Variants in DLGAP2 observed in about 807,000 individuals in gnomAD.
DLGAP2 encodes disks large-associated protein 2.
DLGAP2 carries 26 observed loss-of-function variants against 100.3 expected under a neutral mutation model. That is an observed-to-expected ratio of 0.26 (90% CI 0.19 to 0.36). DLGAP2 has a LOEUF of 0.36. DLGAP2 is among the 10% of genes least tolerant of loss of function. The pLI is 1.00. For missense variants in DLGAP2, 1,858 were observed against 1,453.2 expected (o/e 1.28, Z -4.53); for synonymous variants, 886 against 630.1 (o/e 1.41, Z -6.08).
intron 3 of DLGAP2, among the ~76,000 whole-genome samples, chr8:1,426,339 C>A (rs537402556): frequency 6.6e-6 from 1 of 152,238 alleles, no homozygotes; most frequent in African/African-American, 2.4e-5. Context: ...TGCTCAAAGT[C>A]CATCTGGAGG....
rs1332037675 is a variant in DLGAP2, at chr8:1,354,954, CGG to C, written c.106+96072_106+96073del. On this transcript the variant is annotated intron_variant, in intron 3 of 14. Coordinates refer to ENST00000637795, the MANE Select transcript of DLGAP2 (RefSeq NM_001346810.2). ...TGCTGCGGATGAGGGTGGAAAGTCA[CGG>C]ATGATGCTGCGGATGAGGGTGGAAA... Among the ~76,000 whole-genome samples, 339 of 133,816 alleles carry C rather than the reference CGG, an allele frequency of 2.5e-3. 4 individuals are homozygous for C. The highest frequency in any genetic ancestry group is 8.9e-3 in the African/African-American group (321 of 35,918). The allele number at this position is 133,816 out of a possible 152,430, so 87.8% of individuals were successfully genotyped here. A position where few individuals can be genotyped will look rare whatever the true frequency, so the allele number is the denominator to read the frequency against.
At chr8:1,283,279 G>A (rs866774740) in intron 3 of DLGAP2, among the ~76,000 whole-genome samples, 17 of 138,052 alleles carry the variant, frequency 1.2e-4, no homozygotes, top group Non-Finnish European at 1.7e-4. Flanking sequence ...CCATCCGGAC[G>A]TGGTGCGACC....
intron 2 of DLGAP2, among the ~76,000 whole-genome samples, chr8:1,148,613 A>G (rs1403454445): frequency 1.3e-5 from 2 of 152,082 alleles, no homozygotes; most frequent in African/African-American, 4.8e-5. Flanking sequence ...TTAACATTTA[A>G]TAATTGAATG....
chr8:1,594,119 T>G (rs1240656522), intron 6 of DLGAP2, among the ~76,000 whole-genome samples: 1 of 152,158 alleles, frequency 6.6e-6, no homozygotes, highest in East Asian at 1.9e-4. Flanking sequence ...GCTGAGACCC[T>G]CAGAATCTCT....
Position 1,318,535 on chromosome 8 carries a change from C to A in DLGAP2, c.106+59652C>A, listed in dbSNP as rs553528239. On this transcript the variant is annotated intron_variant, in intron 3 of 14. Transcript: ENST00000637795. ...TTCCTGACTTTGAAGTTTAGGCCTC[C>A]ACAGGAGGCCTGTTGTCAGGGCCGG... Among the ~76,000 whole-genome samples the A allele has an allele frequency of 3.3e-5, 5 of 151,058 alleles. No individual in the cohort carries two copies. In the East Asian group the frequency reaches 7.8e-4, roughly 24 times the overall value.
chr8:1,592,019 G>A (rs755447396), intron 6 of DLGAP2, among the ~76,000 whole-genome samples: 1 of 152,148 alleles, frequency 6.6e-6, no homozygotes, highest in Admixed American at 6.5e-5. Context: ...CCTGCCACAC[G>A]ATTCTGCTGG....
intron 2 of DLGAP2, among the ~76,000 whole-genome samples, chr8:1,146,563 GCACATGTGTGTGTA>G (rs955988348): frequency 1.3e-4 from 19 of 150,204 alleles, no homozygotes; most frequent in Admixed American, 1.2e-3. Context: ...CTGTGTGTGT[GCACATGTGTGTGTA>G]TGCACATGTG....
At chr8:895,430 A>C (rs1798125915) in intron 1 of DLGAP2, among the ~76,000 whole-genome samples, 1 of 152,058 alleles carries the variant, frequency 6.6e-6, no homozygotes, top group East Asian at 1.9e-4. Context: ...GTTTCCGGGG[A>C]GCAGGGGGCT....
intron 2 of DLGAP2, among the ~76,000 whole-genome samples, chr8:1,012,455 G>A (rs970171952): frequency 2.0e-5 from 3 of 152,222 alleles, no homozygotes; most frequent in East Asian, 3.9e-4. Flanking sequence ...CTGCCTCTGC[G>A]GGAACTTCCA....
In DLGAP2 at chr8:1,704,362, C is replaced by G. The variant is rs1212899193; in HGVS notation, c.*2956C>G. ...TGACAGGTGAAACCCAGACACTCTC[C>G]TTAGAGCCGACAGGTTGATCCTGCT... is the stretch of plus-strand genomic sequence containing the variant. On this transcript the variant is annotated 3_prime_UTR_variant, in exon 15 of 15. Transcript: ENST00000637795. 6.6e-6 allele frequency: 1 copy of G among 151,872 alleles called. No individual in the cohort carries two copies. Among genetic ancestry groups the G allele is most frequent in the East Asian group, 1.9e-4 (1 of 5,198 alleles). 9.4% of individuals were successfully genotyped at this position (151,872 alleles called of 1,614,324 possible). A position where few individuals can be genotyped will look rare whatever the true frequency, so the allele number is the denominator to read the frequency against.
At chr8:958,821 G>T (rs1441572789) in intron 2 of DLGAP2, among the ~76,000 whole-genome samples, 1 of 152,170 alleles carries the variant, frequency 6.6e-6, no homozygotes, top group Admixed American at 6.5e-5. Flanking sequence ...ATGGGAGCAG[G>T]ATCTACAGGA....
chr8:1,257,129 C>T (rs895454982), intron 2 of DLGAP2, among the ~76,000 whole-genome samples: 4 of 152,162 alleles, frequency 2.6e-5, no homozygotes, highest in Non-Finnish European at 5.9e-5. Context: ...TCCCCGAAGT[C>T]GGGAGAGCTC....
intron 3 of DLGAP2, among the ~76,000 whole-genome samples, chr8:1,480,720 G>A (rs1799067057): frequency 1.3e-5 from 2 of 151,634 alleles, no homozygotes; most frequent in African/African-American, 4.8e-5. Context: ...TACAAAACTA[G>A]CCAGGCATGG....
chr8:1,212,461 G>T (rs1456652454), intron 2 of DLGAP2, among the ~76,000 whole-genome samples: 1 of 152,208 alleles, frequency 6.6e-6, no homozygotes, highest in South Asian at 2.1e-4. Context: ...TTGATGTCTA[G>T]TTAGTATGAA....
rs1200760941 is a variant in DLGAP2, at chr8:1,547,077, G to A, written c.173-1549G>A. ...CAGGGATGCATTCCAGGCCTGGGAG[G>A]AGAGGCGGCAGGACCCGGGCAGCGA... On this transcript the variant is annotated intron_variant, in intron 4 of 14. Coordinates refer to ENST00000637795, the MANE Select transcript of DLGAP2 (RefSeq NM_001346810.2). 2.0e-5 allele frequency among the ~76,000 whole-genome samples: 3 copies of A among 152,276 alleles called. No individual in the cohort carries two copies. In the South Asian group the frequency reaches 6.2e-4, roughly 32 times the overall value.
chr8:1,117,261 G>A (rs1346630016), intron 2 of DLGAP2, among the ~76,000 whole-genome samples: 1 of 152,232 alleles, frequency 6.6e-6, no homozygotes, highest in Admixed American at 6.5e-5. Context: ...CCTCTCTGAG[G>A]CTGATGGCAC....
rs540839308 is a variant in DLGAP2, at chr8:1,314,028, G to C, written c.106+55145G>C. 3.3e-5 allele frequency among the ~76,000 whole-genome samples: 5 copies of C among 152,264 alleles called. No individual in the cohort carries two copies. In the East Asian group the frequency reaches 7.7e-4, roughly 23 times the overall value. On this transcript the variant is annotated intron_variant, in intron 3 of 14. Transcript: ENST00000637795. ...TATGATACGAAACACGTGTTTATTT[G>C]CTTTAGAATTCGTAGCAACACACGC... is the stretch of plus-strand genomic sequence containing the variant.
chr8:1,317,503 C>T (rs1369804745), intron 3 of DLGAP2, among the ~76,000 whole-genome samples: 1 of 141,936 alleles, frequency 7.0e-6, no homozygotes, highest in Non-Finnish European at 1.5e-5. Context: ...ACTCGAGACA[C>T]TTGGCAGCGT....
intron 2 of DLGAP2, among the ~76,000 whole-genome samples, chr8:1,157,366 G>C (rs1020210857): frequency 1.3e-5 from 2 of 152,170 alleles, no homozygotes; most frequent in Admixed American, 1.3e-4. Flanking sequence ...GGGAGTTCGA[G>C]TCCTCTTGAG....
Sources: gnomAD v4.1 joint callset for allele counts (sites outside exome capture counted in the v4.1 genomes callset) on GRCh38, gnomAD v4.1.1 for gene constraint, MANE v1.5 for transcripts, NCBI Gene and HGNC (gene_info 2026-07-23, HGNC 2026-07-21) for gene names.